The following CACHD1 variants were observed in gnomAD, a reference collection of about 807,000 sequenced individuals.
CACHD1 encodes cache domain containing 1, also known as VWFA and cache domain-containing protein 1.
In CACHD1, 71 loss-of-function variants were observed where a neutral mutation model predicts 138.7. That is an observed-to-expected ratio of 0.51 (90% CI 0.42 to 0.62). The LOEUF is 0.62. CACHD1 is among the 20% of genes least tolerant of loss of function. The probability of loss-of-function intolerance (pLI) is 0.00; values close to 1 mark genes in which losing one functional copy is unlikely to be tolerated. For synonymous variants in CACHD1, 578 were observed against 591.5 expected, an observed-to-expected ratio of 0.98 and a Z score of 0.33; for missense variants, 1,389 against 1,625.3, an observed-to-expected ratio of 0.85 and a Z score of 2.50.
In CACHD1 at chr1:64,659,443, T is replaced by A. The variant is rs182546286; in HGVS notation, c.1951+570T>A. ...CCTCCAAAGGAATCTATGTAGCATA[T>A]CAGCAGTAATCTACCACAGATTCCT... On this transcript the variant is annotated intron_variant, in intron 13 of 26. Transcript: ENST00000651257. 9.2e-5 allele frequency among the ~76,000 whole-genome samples: 14 copies of A among 152,252 alleles called. No homozygotes were observed. In the East Asian group the frequency reaches 2.5e-3, roughly 27 times the overall value.
chr1:64,504,288 C>T (rs890486230), intron 1 of CACHD1, among the ~76,000 whole-genome samples: 1 of 152,174 alleles, frequency 6.6e-6, no homozygotes, highest in Non-Finnish European at 1.5e-5. Flanking sequence ...CCTTGTCTTC[C>T]CAAAGTGCTG....
intron 1 of CACHD1, among the ~76,000 whole-genome samples, chr1:64,519,718 C>CGAGCACGATGTTTTAGTTAGTCTTATGAT (rs1557472685): frequency 2.6e-5 from 4 of 152,162 alleles, no homozygotes; most frequent in Non-Finnish European, 5.9e-5. Flanking sequence ...AGTCTTATGA[C>CGAGCACGATGTTTTAGTTAGTCTTATGAT]GAGCACATTT....
At chr1:64,612,305 C>G (rs1445187941) in intron 4 of CACHD1, among the ~76,000 whole-genome samples, 1 of 152,030 alleles carries the variant, frequency 6.6e-6, no homozygotes, top group Admixed American at 6.5e-5. Context: ...ATATCAATAC[C>G]ATTTTTGTAT....
At chr1:64,566,331 A>C (rs989196711) in intron 2 of CACHD1, among the ~76,000 whole-genome samples, 2 of 152,226 alleles carry the variant, frequency 1.3e-5, no homozygotes, top group Non-Finnish European at 2.9e-5. Flanking sequence ...TGAATTAATA[A>C]TCCTCAAAAA....
intron 16 of CACHD1, among the ~76,000 whole-genome samples, chr1:64,669,293 A>C (rs900343177): frequency 6.6e-6 from 1 of 152,220 alleles, no homozygotes; most frequent in Non-Finnish European, 1.5e-5. Flanking sequence ...TAAGAGGTCG[A>C]GTCCCAAATA....
intron 4 of CACHD1, among the ~76,000 whole-genome samples, chr1:64,624,456 C>T (rs1648030059): frequency 6.6e-6 from 1 of 152,052 alleles, no homozygotes; most frequent in Non-Finnish European, 1.5e-5. Flanking sequence ...CAATGTTTGC[C>T]TTTTTATTAA....
chr1:64,691,498 A>G lies in CACHD1; in HGVS notation c.3762A>G (p.Thr1254=). The G allele has an allele frequency of 5.0e-6, 8 of 1,613,868 alleles. No individual in the cohort carries two copies. Among genetic ancestry groups the G allele is most frequent in the Non-Finnish European group, 6.8e-6 (8 of 1,179,974 alleles). ...ACCACTACCGGTCACACCACCCTAC[A>G]CTTCATCATAGCCACCACTTACAGG... ...KFHHYRSHHP[T]LHHSHHLQAA... Residue 1254 remains threonine, a synonymous_variant, in exon 27 of 27, where the codon ACA becomes ACG. Transcript: ENST00000651257.
intron 2 of CACHD1, among the ~76,000 whole-genome samples, chr1:64,576,245 G>C (rs1646966439): frequency 6.6e-6 from 1 of 152,306 alleles, no homozygotes; most frequent in Admixed American, 6.5e-5. Context: ...GAGGATTGTG[G>C]GTCCACCTGT....
At chr1:64,557,788 AATTATT>A (rs139615946) in intron 2 of CACHD1, among the ~76,000 whole-genome samples, 3 of 150,226 alleles carry the variant, frequency 2.0e-5, no homozygotes, top group African/African-American at 7.3e-5. Flanking sequence ...CTTTTTAAAA[AATTATT>A]ATTATTATTA....
chr1:64,675,941 A>G lies in CACHD1; in HGVS notation c.2933A>G (p.Glu978Gly). The G allele has an allele frequency of 6.6e-7, 1 of 1,518,664 alleles. No individual in the cohort carries two copies. The highest frequency in any genetic ancestry group is 8.9e-7 in the Non-Finnish European group (1 of 1,129,382). The allele number at this position is 1,518,664 out of a possible 1,614,324, so 94.1% of individuals were successfully genotyped here. A position where few individuals can be genotyped will look rare whatever the true frequency, so the allele number is the denominator to read the frequency against. Residue 978 changes from glutamate to glycine, a missense_variant, in exon 21 of 27, where the codon GAG becomes GGG. Glu to Gly is a moderately conservative substitution (Grantham distance 98). This residue lies in a region of CACHD1 where 250 missense variants were observed against 292.9 expected (regional missense o/e 0.85). Transcript: ENST00000651257. ...ECECPCECPL[E>G]VNECTGNLTN... ...GAATGTCCTTGTGAGTGCCCTCTAGAGGTCAATGAGTGCACTGGCAACCTC... is the reference window on the plus strand; with the variant it reads ...GAATGTCCTTGTGAGTGCCCTCTAGGGGTCAATGAGTGCACTGGCAACCTC...
At chr1:64,543,426 T>TAC (rs61433336) in intron 1 of CACHD1, among the ~76,000 whole-genome samples, 1 of 146,364 alleles carries the variant, frequency 6.8e-6, no homozygotes, top group South Asian at 2.1e-4. Context: ...TATATATATA[T>TAC]TTAAATTAGC....
At chr1:64,533,646 A>C (rs760292082) in intron 1 of CACHD1, among the ~76,000 whole-genome samples, 4 of 152,016 alleles carry the variant, frequency 2.6e-5, no homozygotes, top group Non-Finnish European at 4.4e-5. Context: ...TAATTTCAGC[A>C]TTTGTTTTTA....
At chr1:64,644,952 C>G (rs981849205) in intron 8 of CACHD1, among the ~76,000 whole-genome samples, 8 of 152,118 alleles carry the variant, frequency 5.3e-5, no homozygotes, top group African/African-American at 1.9e-4. Context: ...CAGAAATTAG[C>G]CAAGTGTGGT....
chr1:64,629,817 C>T (rs984158174), intron 5 of CACHD1, among the ~76,000 whole-genome samples: 8 of 151,994 alleles, frequency 5.3e-5, no homozygotes, highest in Admixed American at 4.6e-4. Flanking sequence ...ATAGTGCAGC[C>T]CTTGAACATA....
intron 3 of CACHD1, among the ~76,000 whole-genome samples, chr1:64,592,028 T>C (rs1157937895): frequency 6.6e-6 from 1 of 152,220 alleles, no homozygotes; most frequent in Non-Finnish European, 1.5e-5. Context: ...GTCACTATGA[T>C]GCTGTCAGAA....
chr1:64,560,791 G>A (rs1427635906), intron 2 of CACHD1, among the ~76,000 whole-genome samples: 2 of 152,032 alleles, frequency 1.3e-5, no homozygotes, highest in African/African-American at 4.8e-5. Flanking sequence ...TGAAAGGGAT[G>A]TTAAAATCTT....
At chr1:64,630,296 T>C (rs1648255381) in intron 5 of CACHD1, among the ~76,000 whole-genome samples, 1 of 147,614 alleles carries the variant, frequency 6.8e-6, no homozygotes, top group Non-Finnish European at 1.5e-5. Flanking sequence ...GTGCTTTTCC[T>C]AAGATTTTTT....
chr1:64,619,976 T>C (rs558943016), intron 4 of CACHD1, among the ~76,000 whole-genome samples: 4 of 152,304 alleles, frequency 2.6e-5, no homozygotes, highest in Admixed American at 2.6e-4. Context: ...TTCAAAAATA[T>C]ATAAGCAAAA....
At position 64,658,870 on chromosome 1, in the gene CACHD1, C is replaced by A; in HGVS notation, c.1948C>A (p.Leu650Ile). The change falls in exon 13 of 27, where the codon CTA becomes ATA. Residue 650 changes from leucine (L) to isoleucine (I), a missense_variant. This residue lies in a region of CACHD1 where 1,000 missense variants were observed against 1,114.7 expected (regional missense o/e 0.90). Transcript: ENST00000651257. ...ACLHFKQLAT[L>I]ESPTIMLSAG... ...CCTCCACTTCAAACAGCTGGCAACC[C>A]TAGGTAAAGCCCTTACACTTCCTTC... 6.4e-7 allele frequency: 1 copy of A among 1,563,054 alleles called. No individual in the cohort carries two copies. Among genetic ancestry groups the A allele is most frequent in the East Asian group, 2.4e-5 (1 of 42,404 alleles).
Sources: allele counts gnomAD v4.1 joint callset (sites outside exome capture counted in the v4.1 genomes callset), GRCh38; gene constraint gnomAD v4.1.1; regional missense constraint gnomAD v4.1.1; transcripts MANE v1.5; gene names NCBI Gene and HGNC (gene_info 2026-07-23, HGNC 2026-07-21).